Variants in PRELID2 observed in about 807,000 individuals in gnomAD.
PRELID2 encodes the protein PRELI domain containing 2.
Under a neutral mutation model 28.4 loss-of-function variants are expected in PRELID2, and 25 were observed. That is an observed-to-expected ratio of 0.88 (90% CI 0.64 to 1.23). The LOEUF (loss-of-function observed/expected upper bound fraction) is 1.23. Among genes scored for constraint, PRELID2 ranks in the 50% most tolerant of loss-of-function variants. The pLI is 0.00. For synonymous variants in PRELID2, 76 were observed against 71.6 expected (o/e 1.06, Z -0.31); for missense variants, 201 against 214.4 (o/e 0.94, Z 0.39).
At chr5:145,583,174 G>C (rs1753122756) in intron 1 of PRELID2, among the ~76,000 whole-genome samples, 1 of 152,090 alleles carries the variant, frequency 6.6e-6, no homozygotes, top group Non-Finnish European at 1.5e-5. Flanking sequence ...CACAAAAACA[G>C]AACTAAAGAC....
At chr5:145,393,124 C>G in the PRELID2 span, among the ~76,000 whole-genome samples, 1 of 152,128 alleles carries the variant, frequency 6.6e-6, no homozygotes, top group Non-Finnish European at 1.5e-5. Context: ...CTGGTATAAT[C>G]CATCACACAA....
At chr5:145,709,591 A>C (rs768850236) in intron 1 of PRELID2, among the ~76,000 whole-genome samples, 1 of 151,998 alleles carries the variant, frequency 6.6e-6, no homozygotes, top group Non-Finnish European at 1.5e-5. Flanking sequence ...TTAAAAAAAA[A>C]AAAAACAAAA....
the PRELID2 span, among the ~76,000 whole-genome samples, chr5:145,284,548 G>A: frequency 6.6e-6 from 1 of 151,884 alleles, no homozygotes; most frequent in Non-Finnish European, 1.5e-5. Flanking sequence ...TCTATCTGTT[G>A]AAGTCTAATG....
intron 1 of PRELID2, among the ~76,000 whole-genome samples, chr5:145,481,288 T>A (rs1389232888): frequency 1.3e-5 from 2 of 152,030 alleles, no homozygotes; most frequent in African/African-American, 4.8e-5. Context: ...CCTACCTTTT[T>A]TCTTTTAACT....
intron 1 of PRELID2, among the ~76,000 whole-genome samples, chr5:145,747,232 A>T (rs2149747515): frequency 6.6e-6 from 1 of 152,108 alleles, no homozygotes; most frequent in South Asian, 2.1e-4. Context: ...TAAAAAAAAA[A>T]ATCGATGACT....
chr5:145,316,015 G>T, the PRELID2 span, among the ~76,000 whole-genome samples: 1 of 151,956 alleles, frequency 6.6e-6, no homozygotes, highest in African/African-American at 2.4e-5. Flanking sequence ...GTATCTATAT[G>T]ATGGAAATAC....
intron 1 of PRELID2, among the ~76,000 whole-genome samples, chr5:145,576,283 C>A (rs1753059557): frequency 6.6e-6 from 1 of 152,076 alleles, no homozygotes; most frequent in Admixed American, 6.6e-5. Context: ...TCCCACCAAC[C>A]ACTCTAGTCC....
intron 1 of PRELID2, among the ~76,000 whole-genome samples, chr5:145,504,674 T>G (rs1368297493): frequency 2.0e-5 from 3 of 152,180 alleles, no homozygotes; most frequent in Non-Finnish European, 1.5e-5. Flanking sequence ...CCCTTCCTCA[T>G]CTGATCTCAT....
chr5:145,737,638 CA>C (rs1229036770), intron 1 of PRELID2, among the ~76,000 whole-genome samples: 2 of 152,148 alleles, frequency 1.3e-5, no homozygotes, highest in Non-Finnish European at 2.9e-5. Context: ...GGCAAAAGAC[CA>C]GGAAAGAAGC....
At chr5:145,382,701 A>C in the PRELID2 span, among the ~76,000 whole-genome samples, 27 of 152,086 alleles carry the variant, frequency 1.8e-4, no homozygotes, top group Admixed American at 1.6e-3. Context: ...CATACTACAA[A>C]AAATGCTGTC....
At chr5:145,302,564 A>T in the PRELID2 span, among the ~76,000 whole-genome samples, 1 of 151,932 alleles carries the variant, frequency 6.6e-6, no homozygotes, top group African/African-American at 2.4e-5. Flanking sequence ...ATATAGATAG[A>T]GTTGAATTTT....
chr5:145,250,490 C>T, the PRELID2 span, among the ~76,000 whole-genome samples: 75 of 152,086 alleles, frequency 4.9e-4, no homozygotes, highest in African/African-American at 1.7e-3. Flanking sequence ...GACCAACTTG[C>T]GATCAAATCA....
At chr5:145,801,908 C>T (rs531699240) in intron 4 of PRELID2, among the ~76,000 whole-genome samples, 2 of 152,352 alleles carry the variant, frequency 1.3e-5, no homozygotes, top group South Asian at 4.1e-4. Flanking sequence ...GCTACTGCTA[C>T]TGCCTGGGCT....
intron 4 of PRELID2, among the ~76,000 whole-genome samples, chr5:145,810,475 C>T (rs755532542): frequency 1.3e-4 from 20 of 152,240 alleles, no homozygotes; most frequent in Admixed American, 2.6e-4. Flanking sequence ...AATTTCATTC[C>T]GAAACTAAAA....
the PRELID2 span, among the ~76,000 whole-genome samples, chr5:145,366,339 A>C: frequency 6.6e-6 from 1 of 151,908 alleles, no homozygotes; most frequent in Admixed American, 6.6e-5. Flanking sequence ...CCTTCCAAAA[A>C]GGGCCGATTA....
At chr5:145,740,638 AAT>A (rs1166091381) in intron 1 of PRELID2, among the ~76,000 whole-genome samples, 2 of 100,108 alleles carry the variant, frequency 2.0e-5, no homozygotes, top group African/African-American at 9.5e-5. Flanking sequence ...TATATATATA[AAT>A]ATATATATTT....
chr5:145,681,239 G>A (rs1754930179), intron 1 of PRELID2, among the ~76,000 whole-genome samples: 1 of 152,116 alleles, frequency 6.6e-6, no homozygotes, highest in African/African-American at 2.4e-5. Flanking sequence ...GCTCCTCTGA[G>A]GATAAAATTT....
the PRELID2 span, among the ~76,000 whole-genome samples, chr5:145,299,644 C>CGTGCGTGTGTGTGT: frequency 1.8e-5 from 2 of 109,308 alleles, no homozygotes; most frequent in African/African-American, 5.5e-5. Context: ...TATGTGTGTG[C>CGTGCGTGTGTGTGT]GTGTGTGTGT....
chr5:145,639,728 C>T (rs1754065813), intron 1 of PRELID2, among the ~76,000 whole-genome samples: 1 of 152,122 alleles, frequency 6.6e-6, no homozygotes, highest in Non-Finnish European at 1.5e-5. Context: ...CTTTAGTCCA[C>T]ACATTTTATA....
Sources: allele counts gnomAD v4.1 joint callset (sites outside exome capture counted in the v4.1 genomes callset), GRCh38; gene constraint gnomAD v4.1.1; transcripts MANE v1.5; gene names NCBI Gene and HGNC (gene_info 2026-07-23, HGNC 2026-07-21).